The following CCDC63 variants were observed in gnomAD, a reference collection of about 807,000 sequenced individuals.
CCDC63 encodes the protein coiled-coil domain-containing protein 63.
A neutral mutation model predicts 63.6 loss-of-function variants in CCDC63; 54 were observed. The observed-to-expected ratio is 0.85, with a 90% confidence interval of 0.68 to 1.07. CCDC63 has a LOEUF of 1.07. Among genes scored for constraint, CCDC63 ranks in the 50% least tolerant of loss-of-function variants. CCDC63 has a pLI of 0.00. For missense variants in CCDC63, 637 were observed against 689.6 expected, an observed-to-expected ratio of 0.92 and a Z score of 0.86; for synonymous variants, 253 against 266.1, an observed-to-expected ratio of 0.95 and a Z score of 0.48.
At position 110,867,776 on chromosome 12, in the gene CCDC63, A is replaced by G. The variant is rs2136672218; in HGVS notation, c.370-6066A>G. Among the ~76,000 whole-genome samples the G allele has an allele frequency of 2.8e-5, 4 of 142,586 alleles. No homozygotes were observed. The East Asian group carries it at 8.4e-4, about 30-fold the overall frequency. The allele number at this position is 142,586 out of a possible 152,430, so 93.5% of individuals were successfully genotyped here. A position where few individuals can be genotyped will look rare whatever the true frequency, so the allele number is the denominator to read the frequency against. Reference sequence around the variant, plus strand: ...GCTGACCCCCCCATCTCCCTCCCGGACGGGGTGGCTGGCCGGGCTGAGGGG... The same window carrying G: ...GCTGACCCCCCCATCTCCCTCCCGGGCGGGGTGGCTGGCCGGGCTGAGGGG... On this transcript the variant is annotated intron_variant, in intron 4 of 11. Transcript: ENST00000308208.
chr12:110,855,263 C>T (rs1032866525), intron 3 of CCDC63, among the ~76,000 whole-genome samples: 3 of 152,140 alleles, frequency 2.0e-5, no homozygotes, highest in African/African-American at 7.2e-5. Flanking sequence ...AAGAAAGTGT[C>T]TCCCAGAAAA....
intron 9 of CCDC63, among the ~76,000 whole-genome samples, chr12:110,898,576 C>A (rs544763277): frequency 1.1e-4 from 16 of 150,150 alleles, no homozygotes. Flanking sequence ...TGAGATCATG[C>A]CACTGCACTC....
chr12:110,861,594 C>T (rs892964776), intron 4 of CCDC63, among the ~76,000 whole-genome samples: 10 of 151,602 alleles, frequency 6.6e-5, no homozygotes, highest in Admixed American at 1.3e-4. Flanking sequence ...TTTTTTGAAA[C>T]GGAGTCCCAC....
At chr12:110,898,864 C>G in intron 9 of CCDC63, 69 bp from the exon 10 acceptor site, 2 of 1,320,934 alleles carry the variant, frequency 1.5e-6, no homozygotes, top group Non-Finnish European at 2.0e-6. Flanking sequence ...ACCCTGACCC[C>G]AGAGGGTCCC....
Position 110,904,805 on chromosome 12 carries a change from C to G in CCDC63, c.1546+14C>G. On this transcript the variant is annotated intron_variant, in intron 11 of 11. Transcript: ENST00000308208. The stretch of plus-strand genomic sequence containing the variant: ...GGTTGGATGATGGTGAGTTCTCTCT[C>G]TCTCAATCTGCACAGGTTGCTAGGG... 6.3e-7 allele frequency: 1 copy of G among 1,593,866 alleles called. No homozygotes were observed. The highest frequency in any genetic ancestry group is 8.5e-7 in the Non-Finnish European group (1 of 1,170,010).
intron 5 of CCDC63, among the ~76,000 whole-genome samples, chr12:110,878,974 T>G (rs2071166218): frequency 6.6e-6 from 1 of 152,234 alleles, no homozygotes; most frequent in South Asian, 2.1e-4. Flanking sequence ...TCACTTTGAT[T>G]TAATAACTGT....
chr12:110,874,246 A>G (rs1029046544), intron 5 of CCDC63, among the ~76,000 whole-genome samples: 1 of 151,980 alleles, frequency 6.6e-6, no homozygotes, highest in Non-Finnish European at 1.5e-5. Context: ...GAAGCAGCTC[A>G]AGCATTACCC....
At chr12:110,852,405 G>A (rs1173479414) in intron 1 of CCDC63, among the ~76,000 whole-genome samples, 2 of 152,080 alleles carry the variant, frequency 1.3e-5, no homozygotes, top group African/African-American at 2.4e-5. Flanking sequence ...GATTACAGGT[G>A]TGTGCCACCA....
At chr12:110,862,972 T>C (rs2070879548) in intron 4 of CCDC63, among the ~76,000 whole-genome samples, 1 of 152,118 alleles carries the variant, frequency 6.6e-6, no homozygotes, top group Admixed American at 6.6e-5. Context: ...GCCAGGCTGG[T>C]CTCGAACCCC....
intron 1 of CCDC63, among the ~76,000 whole-genome samples, chr12:110,848,643 G>A (rs565977458): frequency 1.3e-5 from 2 of 152,174 alleles, no homozygotes; most frequent in African/African-American, 2.4e-5. Flanking sequence ...AACAGGCTAC[G>A]TTCGCCCAGC....
intron 6 of CCDC63, among the ~76,000 whole-genome samples, chr12:110,880,288 G>A (rs970476480): frequency 3.3e-5 from 5 of 152,140 alleles, no homozygotes; most frequent in Non-Finnish European, 7.3e-5. Flanking sequence ...TCTCACAACT[G>A]CCCTAGGAAT....
intron 8 of CCDC63, among the ~76,000 whole-genome samples, chr12:110,890,943 A>G (rs1220073253): frequency 6.6e-6 from 1 of 151,548 alleles, no homozygotes; most frequent in East Asian, 1.9e-4. Flanking sequence ...ACATCTGGCT[A>G]ATTTTTGTAT....
chr12:110,850,934 C>T (rs12310570), intron 1 of CCDC63, among the ~76,000 whole-genome samples: 21,041 of 152,108 alleles, frequency 0.14, 2,152 homozygotes, highest in African/African-American at 0.29. Context: ...CAACCTCCAA[C>T]TTTTCTTCTC....
At chr12:110,877,995 C>T (rs891150916) in intron 5 of CCDC63, among the ~76,000 whole-genome samples, 4 of 152,124 alleles carry the variant, frequency 2.6e-5, no homozygotes, top group Non-Finnish European at 5.9e-5. Flanking sequence ...GCATGAGCCA[C>T]TGCGCCCAGC....
intron 4 of CCDC63, among the ~76,000 whole-genome samples, chr12:110,861,241 G>A (rs1332578738): frequency 6.6e-6 from 1 of 152,136 alleles, no homozygotes; most frequent in Admixed American, 6.5e-5. Flanking sequence ...ATTAGGGAGG[G>A]ACACAGAGCC....
At chr12:110,867,513 G>A (rs2070981429) in intron 4 of CCDC63, among the ~76,000 whole-genome samples, 3 of 121,252 alleles carry the variant, frequency 2.5e-5, no homozygotes, top group African/African-American at 1.0e-4. Flanking sequence ...TGGGGCGGCT[G>A]GCCGGGCGGG....
At position 110,898,617 on chromosome 12, in the gene CCDC63, C is replaced by CA. The variant is rs34918640; in HGVS notation, c.1150-298dup. ...TGGGTGACAGAGTGAGACTCTGTCT[C>CA]AAAAAAAAAAAAAAAAAATTCGTAA... On this transcript the variant is annotated intron_variant, in intron 9 of 11. Transcript: ENST00000308208. Among the ~76,000 whole-genome samples the CA allele has an allele frequency of 9.5e-3, 761 of 79,806 alleles. 7 individuals are homozygous for CA. Among genetic ancestry groups the CA allele is most frequent in the African/African-American group, 0.019 (493 of 26,002 alleles). 52.4% of individuals were successfully genotyped at this position (79,806 alleles called of 152,430 possible).
chr12:110,884,591 G>C (rs1331841019), intron 8 of CCDC63, among the ~76,000 whole-genome samples: 6 of 152,090 alleles, frequency 3.9e-5, no homozygotes, highest in Admixed American at 2.6e-4. Context: ...TGCAAGGCTG[G>C]TCTCGAACTC....
At chr12:110,865,168 G>A (rs2070926641) in intron 4 of CCDC63, among the ~76,000 whole-genome samples, 2 of 152,208 alleles carry the variant, frequency 1.3e-5, no homozygotes, top group East Asian at 3.8e-4. Flanking sequence ...TGGGAGGAAT[G>A]GATGTGGGGA....
Sources: gnomAD v4.1 joint callset for allele counts (sites outside exome capture counted in the v4.1 genomes callset) on GRCh38, gnomAD v4.1.1 for gene constraint, MANE v1.5 for transcripts, NCBI Gene and HGNC (gene_info 2026-07-23, HGNC 2026-07-21) for gene names.